The following MAP2 variants were observed in gnomAD, a reference collection of about 807,000 sequenced individuals.
The protein encoded by MAP2 is microtubule associated protein 2.
MAP2 carries 14 observed loss-of-function variants against 137.6 expected under a neutral mutation model. The ratio of observed to expected loss-of-function variants is 0.10; its 90% CI spans 0.07 to 0.16. The LOEUF (loss-of-function observed/expected upper bound fraction) is 0.16. Ranked by LOEUF, MAP2 falls within the 10% of genes least tolerant of loss-of-function variation. The pLI is 1.00. For synonymous variants in MAP2, 786 were observed against 782.3 expected (o/e 1.00, Z -0.08); for missense variants, 2,088 against 2,191.5 (o/e 0.95, Z 0.94).
chr2:209,455,920 G>T (rs1362939885), intron 1 of MAP2, among the ~76,000 whole-genome samples: 1 of 150,248 alleles, frequency 6.7e-6, no homozygotes, highest in East Asian at 2.0e-4. Flanking sequence ...TTTTCTAAGT[G>T]CCAGGCATAT....
chr2:209,619,833 A>G (rs1264516784), intron 3 of MAP2, among the ~76,000 whole-genome samples: 2 of 152,164 alleles, frequency 1.3e-5, no homozygotes, highest in Non-Finnish European at 2.9e-5. Context: ...ATTGCTCACC[A>G]GATATCAGAT....
chr2:209,610,251 T>C (rs539740460), intron 3 of MAP2, among the ~76,000 whole-genome samples: 1 of 151,804 alleles, frequency 6.6e-6, no homozygotes, highest in South Asian at 2.1e-4. Context: ...ATAGGAGAAA[T>C]GACAGAGGCA....
chr2:209,545,276 T>C (rs2067829136), intron 2 of MAP2, among the ~76,000 whole-genome samples: 2 of 152,234 alleles, frequency 1.3e-5, no homozygotes, highest in African/African-American at 2.4e-5. Context: ...GATTTTGCCC[T>C]ATAGTATCCT....
intron 3 of MAP2, among the ~76,000 whole-genome samples, chr2:209,600,453 C>A (rs1426345817): frequency 6.6e-6 from 1 of 152,140 alleles, no homozygotes; most frequent in East Asian, 1.9e-4. Flanking sequence ...TGTCAGTCCC[C>A]CCAGCTGGCT....
At chr2:209,436,030 A>ATACAGTATATATTATATAT (rs1553537349) in intron 1 of MAP2, among the ~76,000 whole-genome samples, 1 of 137,328 alleles carries the variant, frequency 7.3e-6, no homozygotes, top group Non-Finnish European at 1.6e-5. Flanking sequence ...TATAAAATAT[A>ATACAGTATATATTATATAT]TATATATGTA....
At chr2:209,472,743 A>AT (rs1706102091) in intron 1 of MAP2, among the ~76,000 whole-genome samples, 1 of 152,152 alleles carries the variant, frequency 6.6e-6, no homozygotes, top group African/African-American at 2.4e-5. Flanking sequence ...TCAAAAAAAA[A>AT]ATTATTGCCG....
At chr2:209,543,986 T>C (rs2067518805) in intron 2 of MAP2, among the ~76,000 whole-genome samples, 1 of 152,150 alleles carries the variant, frequency 6.6e-6, no homozygotes. Flanking sequence ...TCCCAGCACT[T>C]TGGGAGGCCG....
rs569353743 is a variant in MAP2, at chr2:209,566,225, T to G, written c.-171-13811T>G. The stretch of plus-strand genomic sequence containing the variant: ...TGAGTGGAGGACCAACCATCCTAAT[T>G]AATATATCCTCTGTCACGGACTTGC... On this transcript the variant is annotated intron_variant, in intron 2 of 15. Coordinates refer to ENST00000682079, the MANE Select transcript of MAP2 (RefSeq NM_001375505.1). Among the ~76,000 whole-genome samples the G allele has an allele frequency of 2.0e-5, 3 of 152,338 alleles. No homozygotes were observed. The South Asian group carries it at 6.2e-4, about 32-fold the overall frequency.
intron 1 of MAP2, among the ~76,000 whole-genome samples, chr2:209,478,498 C>T (rs1241534341): frequency 6.6e-6 from 1 of 152,108 alleles, no homozygotes; most frequent in African/African-American, 2.4e-5. Flanking sequence ...ATTTGAAATA[C>T]AATTTACAAA....
intron 3 of MAP2, among the ~76,000 whole-genome samples, chr2:209,613,223 A>T (rs2087636022): frequency 6.6e-6 from 1 of 151,686 alleles, no homozygotes; most frequent in Non-Finnish European, 1.5e-5. Flanking sequence ...AATGGCTTCC[A>T]GTCTCTTAAC....
chr2:209,472,873 T>C (rs187298181), intron 1 of MAP2, among the ~76,000 whole-genome samples: 9 of 152,314 alleles, frequency 5.9e-5, no homozygotes, highest in Admixed American at 5.9e-4. Flanking sequence ...TGAGAGATCT[T>C]CTAGTCAAGT....
chr2:209,624,864 G>A (rs539565185), intron 3 of MAP2, among the ~76,000 whole-genome samples, 189 bp from the exon 4 acceptor site: 2 of 152,216 alleles, frequency 1.3e-5, no homozygotes, highest in South Asian at 4.1e-4. Context: ...TATTCTATCT[G>A]TGATAGTTCC....
chr2:209,653,766 C>T (rs1473270631), intron 5 of MAP2, among the ~76,000 whole-genome samples: 1 of 152,024 alleles, frequency 6.6e-6, no homozygotes, highest in Non-Finnish European at 1.5e-5. Context: ...CTTAAATGAC[C>T]TTGGACCTAA....
At chr2:209,638,695 A>G (rs576670517) in intron 4 of MAP2, among the ~76,000 whole-genome samples, 67 of 152,294 alleles carry the variant, frequency 4.4e-4, no homozygotes, top group African/African-American at 1.6e-3. Context: ...TATGACTCAG[A>G]AGGTTTTTAC....
rs369719706 is a variant in MAP2, at chr2:209,442,947, G to A, written c.-222+18671G>A. ...ACCTTTCGTCTGAAATATAGCATTTGATTTCCTTGCCTCCAAACTTTTCCC... is the reference window on the plus strand; with the variant it reads ...ACCTTTCGTCTGAAATATAGCATTTAATTTCCTTGCCTCCAAACTTTTCCC... On this transcript the variant is annotated intron_variant, in intron 1 of 15. Coordinates refer to ENST00000682079, the MANE Select transcript of MAP2 (RefSeq NM_001375505.1). 3.3e-5 allele frequency among the ~76,000 whole-genome samples: 5 copies of A among 151,516 alleles called. No individual in the cohort carries two copies. In the East Asian group the frequency reaches 5.8e-4, roughly 18 times the overall value.
At chr2:209,664,962 C>CAAA (rs67286716) in intron 5 of MAP2, among the ~76,000 whole-genome samples, 436 of 49,526 alleles carry the variant, frequency 8.8e-3, no homozygotes, top group Non-Finnish European at 0.013. Flanking sequence ...AACTCCGTCT[C>CAAA]AAAAAAAAAA....
chr2:209,706,739 G>C (rs1415407765), intron 12 of MAP2, among the ~76,000 whole-genome samples: 5 of 152,028 alleles, frequency 3.3e-5, no homozygotes, highest in Non-Finnish European at 7.4e-5. Flanking sequence ...GGTGGAAATT[G>C]CTACCACTAT....
chr2:209,608,636 C>T (rs372484403), intron 3 of MAP2, among the ~76,000 whole-genome samples: 28 of 152,238 alleles, frequency 1.8e-4, no homozygotes, highest in East Asian at 1.2e-3. Context: ...ATATATTTGA[C>T]GAGGCCATCC....
chr2:209,722,011 T>C (rs772932177), intron 13 of MAP2: 8 of 152,220 alleles, frequency 5.3e-5, no homozygotes, highest in Non-Finnish European at 8.8e-5. Flanking sequence ...TATGGTGATA[T>C]GGCCATAAAT....
Sources: gnomAD v4.1 joint callset for allele counts (sites outside exome capture counted in the v4.1 genomes callset) on GRCh38, gnomAD v4.1.1 for gene constraint, MANE v1.5 for transcripts, NCBI Gene and HGNC (gene_info 2026-07-23, HGNC 2026-07-21) for gene names.